Variants in NLRP13 observed in about 807,000 individuals in gnomAD.
The protein encoded by NLRP13 is NACHT, LRR and PYD domains-containing protein 13.
NLRP13 carries 82 observed loss-of-function variants against 94.4 expected under a neutral mutation model. That is an observed-to-expected ratio of 0.87 (90% CI 0.73 to 1.04). The LOEUF is 1.04. Among genes scored for constraint, NLRP13 ranks in the 50% least tolerant of loss-of-function variants. The pLI is 0.00. For missense variants in NLRP13, 1,426 were observed against 1,230.8 expected, an observed-to-expected ratio of 1.16 and a Z score of -2.37; for synonymous variants, 553 against 464.7, an observed-to-expected ratio of 1.19 and a Z score of -2.45.
At chr19:55,917,974 G>A (rs952169633) in intron 4 of NLRP13, among the ~76,000 whole-genome samples, 3 of 151,942 alleles carry the variant, frequency 2.0e-5, no homozygotes, top group Admixed American at 1.3e-4. Flanking sequence ...TCTCATCAGT[G>A]CATGGAACAT....
chr19:55,912,306 T>C lies in NLRP13; in HGVS notation c.1511A>G (p.Glu504Gly). ...GAAAGGCACTTCCAGGCCCTCGATC[T>C]CAGTGTCTTCTTTGTTAAACGTGAA... ...MNFTFNKEDTEIEGLEVPFID... is the reference protein window; with the variant it reads ...MNFTFNKEDTGIEGLEVPFID... The change falls in exon 5 of 11, where the codon GAG becomes GGG. Residue 504 changes from glutamate (E) to glycine (G), a missense_variant. Coordinates refer to ENST00000342929, the MANE Select transcript of NLRP13 (RefSeq NM_176810.2). The C allele has an allele frequency of 1.2e-6, 2 of 1,614,112 alleles. No homozygotes were observed. The highest frequency in any genetic ancestry group is 1.7e-5 in the Admixed American group (1 of 60,012).
At chr19:55,925,454 T>G (rs1173818763) in intron 1 of NLRP13, among the ~76,000 whole-genome samples, 3 of 152,238 alleles carry the variant, frequency 2.0e-5, no homozygotes, top group Non-Finnish European at 4.4e-5. Context: ...CACCATGTGA[T>G]TTATGCGTTA....
chr19:55,921,692 G>T (rs1300273769), intron 4 of NLRP13, among the ~76,000 whole-genome samples: 7 of 152,126 alleles, frequency 4.6e-5, no homozygotes, highest in Non-Finnish European at 7.3e-5. Context: ...ATTATCTGGG[G>T]GGCTAATACA....
chr19:55,899,212 T>C (rs916410485), intron 9 of NLRP13, among the ~76,000 whole-genome samples: 2 of 152,172 alleles, frequency 1.3e-5, no homozygotes, highest in Admixed American at 6.5e-5. Context: ...CTGTGGTGGT[T>C]ACCCCCCAGC....
chr19:55,915,321 T>C (rs1048934420), intron 4 of NLRP13, among the ~76,000 whole-genome samples: 7 of 152,124 alleles, frequency 4.6e-5, no homozygotes, highest in African/African-American at 1.7e-4. Flanking sequence ...ATTACAGCCA[T>C]GTGCGGTGGC....
chr19:55,903,883 C>T (rs1453883377), intron 8 of NLRP13, among the ~76,000 whole-genome samples: 3 of 152,118 alleles, frequency 2.0e-5, no homozygotes, highest in Non-Finnish European at 4.4e-5. Context: ...GACTGTAGTC[C>T]ACCTGTCCAC....
chr19:55,910,562 C>T lies in NLRP13; in HGVS notation c.2282+1G>A, dbSNP rs768101904. ...TTGAGCTGCTGGCGTCTCACACTTA[C>T]GTCAGTTTCTGGACTTTGCATCTTG... is the stretch of plus-strand genomic sequence containing the variant. On this transcript the variant is annotated splice_donor_variant, in intron 6 of 10. Coordinates refer to ENST00000342929, the MANE Select transcript of NLRP13 (RefSeq NM_176810.2). LOFTEE classifies it high-confidence loss of function. The T allele has an allele frequency of 4.5e-5, 71 of 1,592,702 alleles. No individual in the cohort carries two copies. Among genetic ancestry groups the T allele is most frequent in the South Asian group, 6.7e-5 (6 of 89,462 alleles).
At position 55,896,127 on chromosome 19, in the gene NLRP13, CG is replaced by C; in HGVS notation, c.2958-9del. The C allele has an allele frequency of 6.2e-7, 1 of 1,613,218 alleles. No homozygotes were observed. The highest frequency in any genetic ancestry group is 8.5e-7 in the Non-Finnish European group (1 of 1,179,648). On this transcript the variant is annotated splice_polypyrimidine_tract_variant and intron_variant, in intron 10 of 10. Coordinates refer to ENST00000342929, the MANE Select transcript of NLRP13 (RefSeq NM_176810.2). Reference sequence around the variant, plus strand: ...AGATTGCATTTCGCCAACCTAGGGGCGGGTGGGAAGAAAGCACAACAGATAG... The same window carrying C: ...AGATTGCATTTCGCCAACCTAGGGGCGGTGGGAAGAAAGCACAACAGATAG...
intron 1 of NLRP13, among the ~76,000 whole-genome samples, chr19:55,925,643 G>A (rs1319888361): frequency 1.3e-5 from 2 of 152,148 alleles, no homozygotes; most frequent in Non-Finnish European, 2.9e-5. Flanking sequence ...TCACCACTCT[G>A]AATGTCCCCT....
intron 4 of NLRP13, among the ~76,000 whole-genome samples, chr19:55,923,480 T>A (rs1056932209): frequency 6.6e-6 from 1 of 152,194 alleles, no homozygotes; most frequent in Admixed American, 6.5e-5. Context: ...TGGCCTTTCA[T>A]CACCCACGCG....
rs750202863 is a variant in NLRP13 at position 55,912,475 on chromosome 19, T to C, written c.1342A>G (p.Ile448Val). 12 of 1,614,192 alleles carry C rather than the reference T, an allele frequency of 7.4e-6. No homozygotes were observed. The highest frequency in any genetic ancestry group is 5.5e-5 in the South Asian group (5 of 91,084). The change falls in exon 5 of 11, where the codon ATC becomes GTC. Residue 448 changes from isoleucine (I) to valine (V), a missense_variant. By Grantham distance (29) the Ile-to-Val change is conservative. Transcript: ENST00000342929. Reference sequence around the variant, plus strand: ...TACAGACTGGTGGTAGTCTGAGTGATTGACTGGAGATCGTAATACCTCACC... The same window carrying C: ...TACAGACTGGTGGTAGTCTGAGTGACTGACTGGAGATCGTAATACCTCACC... The part of the protein sequence containing the change: ...PKVRYYDLQS[I>V]TQTTTSLYAY...
At chr19:55,898,657 A>T (rs984273689) in intron 10 of NLRP13, 113 bp downstream of exon 10, 6 of 1,160,902 alleles carry the variant, frequency 5.2e-6, no homozygotes, top group Non-Finnish European at 7.2e-6. Context: ...GATTTCTTAG[A>T]TGGCTTGTCC....
At chr19:55,916,234 C>A (rs1986670590) in intron 4 of NLRP13, among the ~76,000 whole-genome samples, 1 of 152,092 alleles carries the variant, frequency 6.6e-6, no homozygotes, top group African/African-American at 2.4e-5. Context: ...CCCATCTAAA[C>A]AGCAGTAAAT....
chr19:55,906,337 C>CAAAAAAAAAAAAAAAAA (rs71182931), intron 7 of NLRP13, among the ~76,000 whole-genome samples: 2 of 60,972 alleles, frequency 3.3e-5, no homozygotes, highest in Admixed American at 2.4e-4. Context: ...GACTCCATCT[C>CAAAAAAAAAAAAAAAAA]AAAAAAAAAA....
chr19:55,917,079 A>G (rs1055359933), intron 4 of NLRP13, among the ~76,000 whole-genome samples: 5 of 152,184 alleles, frequency 3.3e-5, no homozygotes, highest in African/African-American at 1.2e-4. Context: ...TTTTGTTTAA[A>G]GAAATAAACT....
chr19:55,911,597 TAAGCACG>T, intron 5 of NLRP13, 102 bp downstream of exon 5: 1 of 1,062,194 alleles, frequency 9.4e-7, no homozygotes, highest in Non-Finnish European at 1.4e-6. Context: ...TGGTCGGAAA[TAAGCACG>T]AATACATAAC....
At chr19:55,903,698 C>T (rs1434765738) in intron 8 of NLRP13, among the ~76,000 whole-genome samples, 12 of 152,092 alleles carry the variant, frequency 7.9e-5, no homozygotes, top group Admixed American at 5.9e-4. Context: ...AGCTGCCAAC[C>T]TCACCCTCTG....
At chr19:55,930,306 T>C (rs1159764148) in intron 1 of NLRP13, among the ~76,000 whole-genome samples, 2 of 152,238 alleles carry the variant, frequency 1.3e-5, no homozygotes, top group African/African-American at 4.8e-5. Flanking sequence ...CTCAGTTTCC[T>C]TCTCTGTAAG....
Position 55,932,147 on chromosome 19 carries a change from G to C in NLRP13, c.165C>G (p.Ile55Met), listed in dbSNP as rs1209164938. The change falls in exon 1 of 11, where the codon ATC becomes ATG. Residue 55 changes from isoleucine (I) to methionine (M), a missense_variant. Physicochemically the swap from Ile to Met is conservative, Grantham distance 10 (BLOSUM62 1). Transcript: ENST00000342929. ...CGGCAGCTCTCAAGTTTGCCCAGGG[G>C]ATACGCGGGAAGTGCCCCTGGGGGG... ...WSAPQGHFPR[I>M]PWANLRAADP... 6.2e-7 allele frequency: 1 copy of C among 1,614,194 alleles called. No individual in the cohort carries two copies.
Sources: allele counts gnomAD v4.1 joint callset (sites outside exome capture counted in the v4.1 genomes callset), GRCh38; gene constraint gnomAD v4.1.1; transcripts MANE v1.5; gene names NCBI Gene and HGNC (gene_info 2026-07-23, HGNC 2026-07-21).